ACACA: variants seen among roughly 807,000 people sequenced by gnomAD.
ACACA encodes the protein acetyl-CoA carboxylase 1.
A neutral mutation model predicts 296.1 loss-of-function variants in ACACA; 103 were observed. The observed-to-expected ratio is 0.35, with a 90% CI of 0.30 to 0.41. ACACA has a LOEUF of 0.41. Ranked by LOEUF, ACACA falls within the 10% of genes least tolerant of loss-of-function variation. The probability of loss-of-function intolerance (pLI) is 1.00; values close to 1 mark genes in which losing one functional copy is unlikely to be tolerated. For synonymous variants in ACACA, 953 were observed against 1,038.6 expected, an observed-to-expected ratio of 0.92 and a Z score of 1.58; for missense variants, 1,554 against 2,989.7, an observed-to-expected ratio of 0.52 and a Z score of 11.20.
At chr17:37,187,278 C>T in intron 39 of ACACA, among the ~76,000 whole-genome samples, 1 of 152,266 alleles carries the variant, frequency 6.6e-6, no homozygotes, top group South Asian at 2.1e-4. Context: ...AAAAATTCAT[C>T]TTCAAAAGAC....
At chr17:37,218,229 GC>G (rs1330865773) in intron 29 of ACACA, among the ~76,000 whole-genome samples, 3 of 151,048 alleles carry the variant, frequency 2.0e-5, no homozygotes, top group Non-Finnish European at 4.4e-5. Flanking sequence ...TAATATAGCA[GC>G]CATTAGCCAC....
chr17:37,263,603 C>A, intron 11 of ACACA, 82 bp downstream of exon 11: 1 of 1,193,222 alleles, frequency 8.4e-7, no homozygotes, highest in Middle Eastern at 2.8e-4. Context: ...CTTAAAATGC[C>A]ATTGTTCTCA....
chr17:37,205,627 C>A (rs2078463964), intron 33 of ACACA, 138 bp downstream of exon 33: 1 of 734,812 alleles, frequency 1.4e-6, no homozygotes, highest in East Asian at 2.6e-5. Flanking sequence ...GATTTTATCC[C>A]TAAATGCAGA....
chr17:37,164,981 C>A (rs2076607382), intron 41 of ACACA, among the ~76,000 whole-genome samples: 1 of 152,144 alleles, frequency 6.6e-6, no homozygotes, highest in Non-Finnish European at 1.5e-5. Context: ...GTCACTTGGG[C>A]AGCAAGTTCA....
intron 3 of ACACA, among the ~76,000 whole-genome samples, chr17:37,286,760 C>A (rs1249912955): frequency 6.6e-6 from 1 of 152,152 alleles, no homozygotes; most frequent in East Asian, 1.9e-4. Flanking sequence ...CTATCAATCA[C>A]CTGTCAGGCC....
rs1380046957 is a variant in ACACA at position 37,390,310 on chromosome 17, A to ATTATACATAAT, written c.38+15951_38+15952insATTATGTATAA. 3.9e-4 allele frequency among the ~76,000 whole-genome samples: 19 copies of ATTATACATAAT among 48,296 alleles called. 2 individuals carry two copies. The highest frequency in any genetic ancestry group is 1.6e-3 in the East Asian group (1 of 628). The allele number at this position is 48,296 out of a possible 152,430, so 31.7% of individuals were successfully genotyped here. A position where few individuals can be genotyped will look rare whatever the true frequency, so the allele number is the denominator to read the frequency against. The stretch of plus-strand genomic sequence containing the variant: ...AATTATATATTATACATAATTATAT[A>ATTATACATAAT]TATATATATATATATATATATATAA... On this transcript the variant is annotated intron_variant, in intron 1 of 55. Coordinates refer to ENST00000616317, the MANE Select transcript of ACACA (RefSeq NM_198834.3).
chr17:37,304,176 C>G (rs2083759185), intron 3 of ACACA, among the ~76,000 whole-genome samples: 1 of 152,042 alleles, frequency 6.6e-6, no homozygotes, highest in Non-Finnish European at 1.5e-5. Context: ...AATCATTTCT[C>G]TTTTCTTATT....
rs2083565264 is a variant in ACACA, at chr17:37,300,454, G to A, written c.339-15484C>T. ...GACAACTTCCTGAGGCAAGTCCTCA[G>A]GACTGTACACCAAATCTAACCTGAA... is the stretch of plus-strand genomic sequence containing the variant. On this transcript the variant is annotated intron_variant, in intron 3 of 55. Transcript: ENST00000616317. 2.0e-5 allele frequency among the ~76,000 whole-genome samples: 3 copies of A among 152,060 alleles called. No homozygotes were observed. The South Asian group carries it at 6.2e-4, about 32-fold the overall frequency.
At chr17:37,223,929 T>C (rs969041620) in intron 27 of ACACA, among the ~76,000 whole-genome samples, 4 of 152,206 alleles carry the variant, frequency 2.6e-5, no homozygotes, top group African/African-American at 9.7e-5. Flanking sequence ...TCACCAGGCA[T>C]GGTGGCTCAC....
intron 47 of ACACA, among the ~76,000 whole-genome samples, chr17:37,128,858 C>T (rs902353044): frequency 2.0e-5 from 3 of 152,174 alleles, no homozygotes; most frequent in Admixed American, 1.3e-4. Context: ...AGTACCAATA[C>T]CATTACCAAT....
chr17:37,260,281 TATATATATATATATA>T lies in ACACA; in HGVS notation c.1330-766_1330-752del, dbSNP rs2081423472. ...ATATATATATATATATATATATATA[TATATATATATATATA>T]TTTTTTTTTTTTTTTTTTTTGGAGA... On this transcript the variant is annotated intron_variant, in intron 11 of 55. Transcript: ENST00000616317. Among the ~76,000 whole-genome samples the T allele has an allele frequency of 2.7e-3, 97 of 36,192 alleles. 1 individual carries two copies. Among genetic ancestry groups the T allele is most frequent in the East Asian group, 0.021 (15 of 708 alleles). The allele number at this position is 36,192 out of a possible 152,430, so 23.7% of individuals were successfully genotyped here. A position where few individuals can be genotyped will look rare whatever the true frequency, so the allele number is the denominator to read the frequency against.
intron 41 of ACACA, among the ~76,000 whole-genome samples, chr17:37,166,221 C>T (rs2076661256): frequency 6.6e-6 from 1 of 152,028 alleles, no homozygotes; most frequent in Non-Finnish European, 1.5e-5. Flanking sequence ...GAAGCCTTGG[C>T]CTCCTGGGCT....
chr17:37,170,816 A>G (rs1368901812), intron 41 of ACACA, among the ~76,000 whole-genome samples: 7 of 152,276 alleles, frequency 4.6e-5, no homozygotes, highest in African/African-American at 1.7e-4. Flanking sequence ...CAATGTGAAT[A>G]GAATGTGCAA....
At chr17:37,151,662 G>A (rs1370586716) in intron 43 of ACACA, among the ~76,000 whole-genome samples, 3 of 151,816 alleles carry the variant, frequency 2.0e-5, no homozygotes, top group Admixed American at 2.0e-4. Context: ...TAAGCAGATA[G>A]CCTTTTTTCT....
At position 37,113,410 on chromosome 17, in the gene ACACA, C is replaced by T. The variant is rs975324982; in HGVS notation, c.6275-145G>A. 2.3e-5 allele frequency: 18 copies of T among 779,326 alleles called. No homozygotes were observed. The highest frequency in any genetic ancestry group is 1.2e-4 in the African/African-American group (7 of 58,870). The allele number at this position is 779,326 out of a possible 1,614,324, so 48.3% of individuals were successfully genotyped here. ...CCACCCTATAGACTAAAGGGAGTAT[C>T]GACCTGTATCCCATTCAAGACTCCA... On this transcript the variant is annotated intron_variant, in intron 50 of 55. Coordinates refer to ENST00000616317, the MANE Select transcript of ACACA (RefSeq NM_198834.3). This position sits in a 1 kb window ranked among gnomAD's most constrained non-coding sequence, Gnocchi z 4.0.
At chr17:37,271,872 T>G (rs961674700) in intron 9 of ACACA, among the ~76,000 whole-genome samples, 2 of 152,040 alleles carry the variant, frequency 1.3e-5, no homozygotes, top group African/African-American at 2.4e-5. Context: ...CTCGGGAGGC[T>G]GCGGCACGAG....
At chr17:37,352,036 T>C (rs528877631) in intron 1 of ACACA, among the ~76,000 whole-genome samples, 75 of 151,110 alleles carry the variant, frequency 5.0e-4, no homozygotes, top group South Asian at 3.6e-3. Flanking sequence ...GTTCATGCCA[T>C]TCTCCTGCCT....
At chr17:37,350,167 T>TA (rs1235117097) in intron 1 of ACACA, among the ~76,000 whole-genome samples, 1 of 151,528 alleles carries the variant, frequency 6.6e-6, no homozygotes, top group Non-Finnish European at 1.5e-5. Context: ...CTATAAAAAA[T>TA]AAAAAAATTA....
At chr17:37,197,427 T>C (rs2078052723) in intron 35 of ACACA, among the ~76,000 whole-genome samples, 1 of 152,144 alleles carries the variant, frequency 6.6e-6, no homozygotes, top group East Asian at 1.9e-4. Context: ...CATTCAATAA[T>C]ATAGGGATTC....
Sources: gnomAD v4.1 joint callset for allele counts (sites outside exome capture counted in the v4.1 genomes callset) on GRCh38, gnomAD v4.1.1 for gene constraint, Gnocchi (gnomAD v3.1) non-coding constraint, MANE v1.5 for transcripts, NCBI Gene and HGNC (gene_info 2026-07-23, HGNC 2026-07-21) for gene names.